Variants in LRCH1 observed in about 807,000 individuals in gnomAD.
LRCH1 encodes leucine-rich repeat and calponin homology domain-containing protein 1.
LRCH1 carries 23 observed loss-of-function variants against 94.9 expected under a neutral mutation model. That is an observed-to-expected ratio of 0.24 (90% CI 0.17 to 0.34). The LOEUF is 0.34. LRCH1 is among the 10% of genes least tolerant of loss of function. The pLI is 1.00. For synonymous variants in LRCH1, 364 were observed against 354.9 expected, an observed-to-expected ratio of 1.03 and a Z score of -0.29; for missense variants, 790 against 945.9, an observed-to-expected ratio of 0.84 and a Z score of 2.16.
intron 1 of LRCH1, among the ~76,000 whole-genome samples, chr13:46,579,660 C>T (rs938706054): frequency 1.3e-5 from 2 of 152,140 alleles, no homozygotes; most frequent in East Asian, 3.8e-4. Context: ...CAGTATCTTT[C>T]CTGAATTACC....
intron 2 of LRCH1, among the ~76,000 whole-genome samples, chr13:46,657,518 T>C (rs1480664231): frequency 3.7e-4 from 21 of 56,618 alleles, no homozygotes; most frequent in African/African-American, 1.4e-3. Context: ...TTTTTTTTTT[T>C]TTTTTTTTTT....
intron 17 of LRCH1, among the ~76,000 whole-genome samples, chr13:46,727,106 C>A (rs534612770): frequency 6.6e-6 from 1 of 152,166 alleles, no homozygotes; most frequent in East Asian, 1.9e-4. Context: ...CTTCGGTGAA[C>A]AACGATGTAC....
intron 18 of LRCH1, 31 bp from the exon 19 acceptor site, chr13:46,733,890 A>G: frequency 2.2e-6 from 3 of 1,347,204 alleles, no homozygotes; most frequent in Non-Finnish European, 3.1e-6. Context: ...CTTTTAAATA[A>G]TATATTATTT....
At chr13:46,631,278 C>G (rs938754934) in intron 1 of LRCH1, among the ~76,000 whole-genome samples, 3 of 152,208 alleles carry the variant, frequency 2.0e-5, no homozygotes, top group African/African-American at 7.2e-5. Context: ...GTGACTGTCT[C>G]TTTACAACAA....
intron 17 of LRCH1, among the ~76,000 whole-genome samples, chr13:46,725,363 TAAAG>T (rs1872761541): frequency 6.6e-6 from 1 of 152,194 alleles, no homozygotes; most frequent in African/African-American, 2.4e-5. Flanking sequence ...ATTTTTTCAA[TAAAG>T]AAAGAAAGGT....
rs780163887 is a variant in LRCH1, at chr13:46,669,033, A to G, written c.456A>G (p.Arg152=). ...LQMLTYLNLS[R]NQLSALPACL... ...TCTTGTTGTATTGTCTTTGCAGTCG[A>G]AATCAGCTGTCCGCCCTGCCTGCCT... is the stretch of plus-strand genomic sequence containing the variant. Residue 152 remains arginine (R), a synonymous_variant, in exon 3 of 20, where the codon CGA becomes CGG. Transcript: ENST00000389797. 1.2e-6 allele frequency: 2 copies of G among 1,614,016 alleles called. No homozygotes were observed. Among genetic ancestry groups the G allele is most frequent in the Non-Finnish European group, 1.7e-6 (2 of 1,179,924 alleles).
At chr13:46,735,733 G>A (rs979765214) in intron 19 of LRCH1, among the ~76,000 whole-genome samples, 1 of 151,048 alleles carries the variant, frequency 6.6e-6, no homozygotes, top group Non-Finnish European at 1.5e-5. Flanking sequence ...GTATCACTTA[G>A]CGTATTTCTG....
intron 1 of LRCH1, among the ~76,000 whole-genome samples, chr13:46,648,460 C>T (rs553789879): frequency 2.6e-5 from 4 of 152,164 alleles, no homozygotes; most frequent in African/African-American, 7.2e-5. Context: ...CCCATCTATC[C>T]ACCACACTGC....
intron 4 of LRCH1, among the ~76,000 whole-genome samples, chr13:46,683,364 G>A (rs536624088): frequency 3.3e-4 from 50 of 152,332 alleles, no homozygotes; most frequent in African/African-American, 1.2e-3. Context: ...GAGAAGCAGA[G>A]TTAGAAACTC....
intron 14 of LRCH1, among the ~76,000 whole-genome samples, chr13:46,712,245 T>G (rs1872102077): frequency 6.6e-6 from 1 of 152,218 alleles, no homozygotes; most frequent in Non-Finnish European, 1.5e-5. Context: ...CATGCACCCA[T>G]GCACACAGCT....
chr13:46,674,512 A>G (rs2051645217), intron 3 of LRCH1, among the ~76,000 whole-genome samples: 1 of 152,194 alleles, frequency 6.6e-6, no homozygotes, highest in African/African-American at 2.4e-5. Context: ...GTCATTTCAG[A>G]TGGGAATGAT....
At chr13:46,651,220 CT>C (rs959824352) in intron 2 of LRCH1, among the ~76,000 whole-genome samples, 24 of 152,202 alleles carry the variant, frequency 1.6e-4, no homozygotes, top group Non-Finnish European at 2.8e-4. Context: ...GGGAGCAAGA[CT>C]TGTGTTGAAT....
chr13:46,611,115 A>G (rs1350387162), intron 1 of LRCH1, among the ~76,000 whole-genome samples: 1 of 152,174 alleles, frequency 6.6e-6, no homozygotes, highest in Non-Finnish European at 1.5e-5. Flanking sequence ...CTTTAGGATA[A>G]GATTCTGGTG....
At chr13:46,560,319 G>T (rs1209044893) in intron 1 of LRCH1, among the ~76,000 whole-genome samples, 8 of 152,032 alleles carry the variant, frequency 5.3e-5, no homozygotes, top group Non-Finnish European at 8.8e-5. Context: ...CTCAGGCCAT[G>T]TGTAACTTGA....
intron 1 of LRCH1, among the ~76,000 whole-genome samples, chr13:46,578,391 G>A (rs923067107): frequency 1.5e-4 from 23 of 152,274 alleles, no homozygotes; most frequent in African/African-American, 4.6e-4. Flanking sequence ...TTAGTGCATC[G>A]CAGAAGCAAA....
At chr13:46,731,266 T>C (rs1020104894) in intron 18 of LRCH1, among the ~76,000 whole-genome samples, 2 of 151,972 alleles carry the variant, frequency 1.3e-5, no homozygotes, top group Non-Finnish European at 2.9e-5. Context: ...GGAGATGGAG[T>C]CTCCTCTGTC....
chr13:46,685,255 C>G (rs908141146), intron 4 of LRCH1, among the ~76,000 whole-genome samples: 5 of 152,110 alleles, frequency 3.3e-5, no homozygotes, highest in Non-Finnish European at 2.9e-5. Context: ...CTTGAAATTA[C>G]TTAGTGTCTA....
rs376765667 is a variant in LRCH1, at chr13:46,718,556, T to C, written c.1759+2892T>C. On this transcript the variant is annotated intron_variant, in intron 16 of 19. Transcript: ENST00000389797. ...TCTTTTTATGGGATGTTATGTGGTG[T>C]TCAAGTAAGGTTGACAGTCACTGGG... is the stretch of plus-strand genomic sequence containing the variant. Among the ~76,000 whole-genome samples the C allele has an allele frequency of 2.7e-4, 41 of 152,328 alleles. No homozygotes were observed. The South Asian group carries it at 8.3e-3, about 31-fold the overall frequency.
At chr13:46,693,049 G>A (rs1381422820) in intron 8 of LRCH1, among the ~76,000 whole-genome samples, 9 of 147,136 alleles carry the variant, frequency 6.1e-5, no homozygotes, top group East Asian at 6.1e-4. Context: ...TTGGCTCACC[G>A]CAACCTCCGC....
Sources: gnomAD v4.1 joint callset for allele counts (sites outside exome capture counted in the v4.1 genomes callset) on GRCh38, gnomAD v4.1.1 for gene constraint, MANE v1.5 for transcripts, NCBI Gene and HGNC (gene_info 2026-07-23, HGNC 2026-07-21) for gene names.